Variants in ABHD6 observed in about 807,000 individuals in gnomAD.
ABHD6 encodes monoacylglycerol lipase ABHD6.
Under a neutral mutation model 38.8 loss-of-function variants are expected in ABHD6, and 33 were observed. The ratio of observed to expected loss-of-function variants is 0.85; its 90% CI spans 0.64 to 1.14. The LOEUF (loss-of-function observed/expected upper bound fraction) is 1.14. ABHD6 is among the 50% of genes most tolerant of loss of function. The probability of loss-of-function intolerance (pLI) is 0.00; values close to 1 mark genes in which losing one functional copy is unlikely to be tolerated. For synonymous variants in ABHD6, 147 were observed against 161.6 expected (o/e 0.91, Z 0.69); for missense variants, 380 against 422.6 (o/e 0.90, Z 0.88).
chr3:58,266,671 T>G lies in ABHD6; in HGVS notation c.120-518T>G, dbSNP rs1031368831. On this transcript the variant is annotated intron_variant, in intron 3 of 9. Transcript: ENST00000478253. This position sits in a 1 kb window ranked among gnomAD's most constrained non-coding sequence, Gnocchi z 4.0. ...CTGATTGAATTAATTATCTCTCATC[T>G]TGGAGGGATTCACCATGCAGAGAGT... Among the ~76,000 whole-genome samples the G allele has an allele frequency of 2.0e-5, 3 of 152,214 alleles. No homozygotes were observed. The highest frequency in any genetic ancestry group is 4.4e-5 in the Non-Finnish European group (3 of 68,040).
In ABHD6 at chr3:58,238,948, C is replaced by A. The variant is rs1340125415; in HGVS notation, c.-91+1032C>A. 6.6e-5 allele frequency among the ~76,000 whole-genome samples: 10 copies of A among 152,072 alleles called. No homozygotes were observed. The highest frequency in any genetic ancestry group is 1.3e-4 in the Non-Finnish European group (9 of 68,022). On this transcript the variant is annotated intron_variant, in intron 1 of 9. Coordinates refer to ENST00000478253, the MANE Select transcript of ABHD6 (RefSeq NM_001320126.2). This position sits in a 1 kb window ranked among gnomAD's most constrained non-coding sequence, Gnocchi z 6.9. ...GAATAAGCAAATCTTGTGTGCCAGG[C>A]CCTGTCCTAAGCCCCTTAAAAGAAT...
intron 1 of ABHD6, among the ~76,000 whole-genome samples, chr3:58,244,050 C>T (rs746169807): frequency 1.3e-5 from 2 of 152,206 alleles, no homozygotes; most frequent in Non-Finnish European, 2.9e-5. Flanking sequence ...CCTCTGTTTT[C>T]AACCCTGGTG....
At chr3:58,286,088 C>T (rs527647789) in intron 9 of ABHD6, among the ~76,000 whole-genome samples, 4 of 151,578 alleles carry the variant, frequency 2.6e-5, no homozygotes, top group South Asian at 2.1e-4. Flanking sequence ...GGCACAATCT[C>T]GGCTCACTGC....
At chr3:58,290,824 G>A (rs79477696) in intron 9 of ABHD6, among the ~76,000 whole-genome samples, 3 of 150,338 alleles carry the variant, frequency 2.0e-5, no homozygotes, top group Non-Finnish European at 4.4e-5. Flanking sequence ...ATGGGATGGC[G>A]GCCGGGAAGA....
chr3:58,268,758 T>C (rs1021232784), intron 4 of ABHD6, among the ~76,000 whole-genome samples: 3 of 152,260 alleles, frequency 2.0e-5, no homozygotes, highest in Non-Finnish European at 2.9e-5. Context: ...GTTTCTCAGT[T>C]TCCTGGTTAA....
At chr3:58,290,863 C>A (rs1462712645) in intron 9 of ABHD6, among the ~76,000 whole-genome samples, 1 of 148,772 alleles carries the variant, frequency 6.7e-6, no homozygotes, top group Admixed American at 6.7e-5. Flanking sequence ...GATGGGATGG[C>A]GGCCGGGCAG....
At chr3:58,279,355 G>T (rs1163788493) in intron 7 of ABHD6, among the ~76,000 whole-genome samples, 1 of 152,058 alleles carries the variant, frequency 6.6e-6, no homozygotes, top group Non-Finnish European at 1.5e-5. Context: ...TTATGTAATG[G>T]CCTTCTTTGT....
chr3:58,293,552 C>T lies in ABHD6; in HGVS notation c.838-37C>T. ...AGAGTGCACACGTGGGTGTCTGAAT[C>T]TTTGTGTATCATCCAGCTCCCTTTC... On this transcript the variant is annotated intron_variant, in intron 9 of 9. Transcript: ENST00000478253. This position sits in a 1 kb window ranked among gnomAD's most constrained non-coding sequence, Gnocchi z 4.4. The T allele has an allele frequency of 6.2e-7, 1 of 1,607,106 alleles. No individual in the cohort carries two copies. Among genetic ancestry groups the T allele is most frequent in the Non-Finnish European group, 8.5e-7 (1 of 1,175,662 alleles).
At chr3:58,290,863 C>T (rs1462712645) in intron 9 of ABHD6, among the ~76,000 whole-genome samples, 2 of 148,770 alleles carry the variant, frequency 1.3e-5, no homozygotes, top group African/African-American at 2.5e-5. Flanking sequence ...GATGGGATGG[C>T]GGCCGGGCAG....
chr3:58,250,617 G>A (rs894549776), intron 2 of ABHD6, among the ~76,000 whole-genome samples: 3 of 151,974 alleles, frequency 2.0e-5, no homozygotes, highest in South Asian at 2.1e-4. Flanking sequence ...GGGGAGCTGC[G>A]GTCCGAATCA....
chr3:58,262,273 G>A (rs1342241108), intron 3 of ABHD6, among the ~76,000 whole-genome samples: 2 of 152,218 alleles, frequency 1.3e-5, no homozygotes, highest in Non-Finnish European at 2.9e-5. Context: ...TTACAATGTT[G>A]TGTAATGTCA....
chr3:58,238,850 C>T lies in ABHD6; in HGVS notation c.-91+934C>T, dbSNP rs1339385120. Among the ~76,000 whole-genome samples the T allele has an allele frequency of 6.6e-6, 1 of 152,196 alleles. No individual in the cohort carries two copies. The highest frequency in any genetic ancestry group is 1.5e-5 in the Non-Finnish European group (1 of 68,028). On this transcript the variant is annotated intron_variant, in intron 1 of 9. Transcript: ENST00000478253. This position sits in a 1 kb window ranked among gnomAD's most constrained non-coding sequence, Gnocchi z 6.9. Reference sequence around the variant, plus strand: ...CCGCCCCCCTCCCCGCTGCTCCCGCCTGCTCAGAAATCCCTAGTGGCTCCA... The same window carrying T: ...CCGCCCCCCTCCCCGCTGCTCCCGCTTGCTCAGAAATCCCTAGTGGCTCCA...
chr3:58,280,886 C>A (rs182751566), intron 7 of ABHD6, among the ~76,000 whole-genome samples: 1 of 152,172 alleles, frequency 6.6e-6, no homozygotes, highest in Non-Finnish European at 1.5e-5. Flanking sequence ...GCTGGAGGTC[C>A]GCTCCAGACC....
At chr3:58,261,258 T>TG (rs1356276724) in intron 3 of ABHD6, among the ~76,000 whole-genome samples, 11 of 152,114 alleles carry the variant, frequency 7.2e-5, no homozygotes. Flanking sequence ...ATAATAATAA[T>TG]CTGACATTGT....
At chr3:58,282,345 T>C (rs1050301432) in intron 7 of ABHD6, among the ~76,000 whole-genome samples, 12 of 151,728 alleles carry the variant, frequency 7.9e-5, no homozygotes, top group Non-Finnish European at 1.6e-4. Flanking sequence ...ATGGTAGCAA[T>C]GGAGATGAGA....
rs923028136 is a variant in ABHD6 at position 58,265,679 on chromosome 3, T to C, written c.120-1510T>C. Among the ~76,000 whole-genome samples, 1 of 152,224 alleles carries C rather than the reference T, an allele frequency of 6.6e-6. No homozygotes were observed. Among genetic ancestry groups the C allele is most frequent in the Admixed American group, 6.5e-5 (1 of 15,282 alleles). ...CAGCAGAATGCCACAGACTAGATAA[T>C]TTATAAAGAAAAGAAATTTGTTTGG... On this transcript the variant is annotated intron_variant, in intron 3 of 9. Coordinates refer to ENST00000478253, the MANE Select transcript of ABHD6 (RefSeq NM_001320126.2). This position sits in a 1 kb window ranked among gnomAD's most constrained non-coding sequence, Gnocchi z 4.2.
chr3:58,266,397 T>G lies in ABHD6; in HGVS notation c.120-792T>G, dbSNP rs1446369729. Among the ~76,000 whole-genome samples, 3 of 150,450 alleles carry G rather than the reference T, an allele frequency of 2.0e-5. No homozygotes were observed. The highest frequency in any genetic ancestry group is 2.0e-4 in the Admixed American group (3 of 15,082). Reference sequence around the variant, plus strand: ...AGGTGGAGGTTGCAGTGAGCGGAAATTGCCCCAGCGTGGGTGACAGAGCGA... The same window carrying G: ...AGGTGGAGGTTGCAGTGAGCGGAAAGTGCCCCAGCGTGGGTGACAGAGCGA... On this transcript the variant is annotated intron_variant, in intron 3 of 9. Coordinates refer to ENST00000478253, the MANE Select transcript of ABHD6 (RefSeq NM_001320126.2). The surrounding 1 kb of genome is among the most constrained non-coding windows in gnomAD (Gnocchi z 4.0).
chr3:58,283,239 C>T (rs1387335508), intron 7 of ABHD6, among the ~76,000 whole-genome samples: 1 of 152,220 alleles, frequency 6.6e-6, no homozygotes, highest in East Asian at 1.9e-4. Context: ...TTTCTCCCAG[C>T]ACTGATCTCT....
intron 2 of ABHD6, among the ~76,000 whole-genome samples, chr3:58,250,389 G>C (rs180839586): frequency 3.9e-5 from 6 of 152,176 alleles, no homozygotes; most frequent in Admixed American, 6.5e-5. Flanking sequence ...AGGCAAAGAC[G>C]TGGGAGTCAG....
Sources: gnomAD v4.1 joint callset for allele counts (sites outside exome capture counted in the v4.1 genomes callset) on GRCh38, gnomAD v4.1.1 for gene constraint, Gnocchi (gnomAD v3.1) non-coding constraint, MANE v1.5 for transcripts, NCBI Gene and HGNC (gene_info 2026-07-23, HGNC 2026-07-21) for gene names.